The following CELF6 variants were observed in gnomAD, a reference collection of about 807,000 sequenced individuals.
CELF6 encodes the protein CUGBP Elav-like family member 6, also known as Bruno -like 6, RNA binding protein.
A neutral mutation model predicts 53.1 loss-of-function variants in CELF6; 32 were observed. The observed-to-expected ratio is 0.60, with a 90% confidence interval of 0.46 to 0.81. The LOEUF is 0.81. CELF6 is among the 30% of genes least tolerant of loss of function. The probability of loss-of-function intolerance (pLI) is 0.00; values close to 1 mark genes in which losing one functional copy is unlikely to be tolerated. For synonymous variants in CELF6, 291 were observed against 288.8 expected, an observed-to-expected ratio of 1.01 and a Z score of -0.08; for missense variants, 539 against 669.5, an observed-to-expected ratio of 0.81 and a Z score of 2.15.
At chr15:72,304,545 G>A (rs1336691430) in intron 3 of CELF6, among the ~76,000 whole-genome samples, 6 of 152,056 alleles carry the variant, frequency 3.9e-5, no homozygotes, top group South Asian at 2.1e-4. Context: ...CCTCTTCTGG[G>A]CCTGGGCTCC....
At chr15:72,301,580 AAATATATCTGGTC>A (rs1295625151) in intron 3 of CELF6, among the ~76,000 whole-genome samples, 3 of 152,340 alleles carry the variant, frequency 2.0e-5, no homozygotes, top group South Asian at 2.1e-4. Context: ...TTACTGGCGT[AAATATATCTGGTC>A]AGGTGTGTGT....
At position 72,319,104 on chromosome 15, in the gene CELF6, C is replaced by G. The variant is rs917859283; in HGVS notation, c.262+509G>C. Among the ~76,000 whole-genome samples the G allele has an allele frequency of 2.6e-5, 4 of 151,906 alleles. No homozygotes were observed. The highest frequency in any genetic ancestry group is 2.6e-4 in the Admixed American group (4 of 15,256). The stretch of plus-strand genomic sequence containing the variant: ...GTCTGCGGTGTTTTAGGTTGGCAGT[C>G]TGAGAGTCAAAAGAAGGCTCTTGAG... On this transcript the variant is annotated intron_variant, in intron 1 of 12. Coordinates refer to ENST00000287202, the MANE Select transcript of CELF6 (RefSeq NM_052840.5). This position sits in a 1 kb window ranked among gnomAD's most constrained non-coding sequence, Gnocchi z 5.0.
intron 3 of CELF6, among the ~76,000 whole-genome samples, chr15:72,298,936 A>G (rs962009896): frequency 6.6e-6 from 1 of 152,192 alleles, no homozygotes; most frequent in South Asian, 2.1e-4. Context: ...GGCCAGGCAC[A>G]GTGGATCATG....
chr15:72,286,823 GCTC>G (rs1031065606), intron 12 of CELF6, among the ~76,000 whole-genome samples: 1 of 152,184 alleles, frequency 6.6e-6, no homozygotes, highest in African/African-American at 2.4e-5. Context: ...CTCTGCTTAA[GCTC>G]CTCAACAGTT....
chr15:72,297,332 T>C (rs2088093916), intron 3 of CELF6, among the ~76,000 whole-genome samples: 3 of 152,068 alleles, frequency 2.0e-5, no homozygotes. Context: ...CCAACCACCA[T>C]CCTACTCTCT....
At position 72,289,198 on chromosome 15, in the gene CELF6, G is replaced by C; in HGVS notation, c.970C>G (p.Gln324Glu). ...GVNGFGPLTP[Q>E]TNGQPGSDTL... The stretch of plus-strand genomic sequence containing the variant: ...TCGGAGCCCGGCTGGCCATTGGTCT[G>C]GGGGGTCAGAGGGCCGAATCCATTG... The change falls in exon 8 of 13, where the codon CAG becomes GAG. Residue 324 changes from glutamine (Q) to glutamate (E), a missense_variant. By Grantham distance (29) the Gln-to-Glu change is conservative. Coordinates refer to ENST00000287202, the MANE Select transcript of CELF6 (RefSeq NM_052840.5). This position sits in a 1 kb window ranked among gnomAD's most constrained non-coding sequence, Gnocchi z 7.6. 6.4e-7 allele frequency: 1 copy of C among 1,568,280 alleles called. No homozygotes were observed. The highest frequency in any genetic ancestry group is 8.6e-7 in the Non-Finnish European group (1 of 1,165,886).
At chr15:72,287,515 CTG>C in intron 11 of CELF6, 123 bp from the exon 12 acceptor site, 2 of 1,069,468 alleles carry the variant, frequency 1.9e-6, no homozygotes, top group Non-Finnish European at 2.7e-6. Flanking sequence ...TACCCCTCCA[CTG>C]TTTGTGTGGA....
chr15:72,300,560 G>A (rs943245181), intron 3 of CELF6, among the ~76,000 whole-genome samples: 6 of 152,246 alleles, frequency 3.9e-5, no homozygotes, highest in Admixed American at 1.3e-4. Flanking sequence ...TAGGTTGGGC[G>A]TGGTGGCTCA....
chr15:72,286,786 TA>T (rs1236535411), intron 12 of CELF6, among the ~76,000 whole-genome samples: 1 of 152,248 alleles, frequency 6.6e-6, no homozygotes, highest in Non-Finnish European at 1.5e-5. Context: ...TCACTGCCAC[TA>T]TCTCAGCCCT....
intron 2 of CELF6, among the ~76,000 whole-genome samples, chr15:72,306,643 G>A (rs575720849): frequency 6.6e-6 from 1 of 150,844 alleles, no homozygotes; most frequent in Non-Finnish European, 1.5e-5. Flanking sequence ...ACACCCACCC[G>A]CTGGTGGTGG....
At chr15:72,317,512 T>C (rs1295650924) in intron 1 of CELF6, among the ~76,000 whole-genome samples, 7 of 152,130 alleles carry the variant, frequency 4.6e-5, no homozygotes, top group Admixed American at 4.6e-4. Context: ...AGAGAGTGGG[T>C]CAGTGGCAGG....
At chr15:72,294,130 T>G (rs1167726442) in intron 3 of CELF6, among the ~76,000 whole-genome samples, 3 of 152,196 alleles carry the variant, frequency 2.0e-5, no homozygotes, top group African/African-American at 7.2e-5. Context: ...CCAGTAATCA[T>G]AGCAGAATCA....
Position 72,289,878 on chromosome 15 carries a change from G to A in CELF6, c.603+61C>T. ...TTCGCGGGGCACCGAGCACACTCGG[G>A]GAGGAGAAGCCCGTCCCCACCCCAC... is the stretch of plus-strand genomic sequence containing the variant. On this transcript the variant is annotated intron_variant, in intron 5 of 12. Coordinates refer to ENST00000287202, the MANE Select transcript of CELF6 (RefSeq NM_052840.5). The surrounding 1 kb of genome is among the most constrained non-coding windows in gnomAD (Gnocchi z 7.6). 1 of 1,523,850 alleles carries A rather than the reference G, an allele frequency of 6.6e-7. No individual in the cohort carries two copies. Among genetic ancestry groups the A allele is most frequent in the Non-Finnish European group, 8.8e-7 (1 of 1,138,366 alleles). The allele number at this position is 1,523,850 out of a possible 1,614,324, so 94.4% of individuals were successfully genotyped here.
chr15:72,297,216 A>G (rs533643022), intron 3 of CELF6, among the ~76,000 whole-genome samples: 1 of 152,324 alleles, frequency 6.6e-6, no homozygotes, highest in South Asian at 2.1e-4. Flanking sequence ...ATGCTATGCA[A>G]TAGATCACTA....
intron 3 of CELF6, among the ~76,000 whole-genome samples, chr15:72,296,773 G>A (rs2088084536): frequency 6.6e-6 from 1 of 152,202 alleles, no homozygotes; most frequent in Non-Finnish European, 1.5e-5. Flanking sequence ...CGATTAGGAT[G>A]ACTGCTATCA....
chr15:72,311,466 G>A (rs1375379135), intron 2 of CELF6, among the ~76,000 whole-genome samples: 6 of 150,250 alleles, frequency 4.0e-5, no homozygotes, highest in Non-Finnish European at 5.9e-5. Flanking sequence ...GCAGCGATGC[G>A]ATCTTGGCTC....
Position 72,287,476 on chromosome 15 carries a change from G to T in CELF6, c.1319-84C>A, listed in dbSNP as rs1488487597. 2.7e-6 allele frequency: 4 copies of T among 1,501,968 alleles called. No individual in the cohort carries two copies. In the Admixed American group the frequency reaches 5.3e-5, roughly 20 times the overall value. The allele number at this position is 1,501,968 out of a possible 1,614,324, so 93.0% of individuals were successfully genotyped here. A position where few individuals can be genotyped will look rare whatever the true frequency, so the allele number is the denominator to read the frequency against. ...CTCTGACCAGCCCCCTCCTCTTCCAGCCCCGTCAGGCCAGTTCCATCAAAC... is the reference window on the plus strand; with the variant it reads ...CTCTGACCAGCCCCCTCCTCTTCCATCCCCGTCAGGCCAGTTCCATCAAAC... On this transcript the variant is annotated intron_variant, in intron 11 of 12. Transcript: ENST00000287202.
At chr15:72,313,536 T>C (rs1184099553) in intron 2 of CELF6, 10 of 152,760 alleles carry the variant, frequency 6.5e-5, no homozygotes, top group Admixed American at 6.5e-4. Context: ...ACCTCCCATT[T>C]CCTTTCAGGG....
At chr15:72,299,641 G>T (rs566695635) in intron 3 of CELF6, among the ~76,000 whole-genome samples, 5 of 152,138 alleles carry the variant, frequency 3.3e-5, no homozygotes, top group African/African-American at 1.2e-4. Flanking sequence ...GATTACAGGC[G>T]TGAGCCACCA....
Sources: allele counts gnomAD v4.1 joint callset (sites outside exome capture counted in the v4.1 genomes callset), GRCh38; gene constraint gnomAD v4.1.1; non-coding constraint Gnocchi (gnomAD v3.1); transcripts MANE v1.5; gene names NCBI Gene and HGNC (gene_info 2026-07-23, HGNC 2026-07-21).